Variants in PRKCZ observed in about 807,000 individuals in gnomAD.
PRKCZ encodes the protein protein kinase C zeta.
Under a neutral mutation model 79.5 loss-of-function variants are expected in PRKCZ, and 33 were observed. The observed-to-expected ratio is 0.41, with a 90% CI of 0.31 to 0.55. The LOEUF (loss-of-function observed/expected upper bound fraction) is 0.55. Ranked by LOEUF, PRKCZ falls within the 20% of genes least tolerant of loss-of-function variation. The probability of loss-of-function intolerance (pLI) is 0.19; values close to 1 mark genes in which losing one functional copy is unlikely to be tolerated. For missense variants in PRKCZ, 578 were observed against 813.5 expected, an observed-to-expected ratio of 0.71 and a Z score of 3.52; for synonymous variants, 342 against 320.9, an observed-to-expected ratio of 1.07 and a Z score of -0.70.
At chr1:2,158,871 T>G (rs1435345573) in intron 10 of PRKCZ, among the ~76,000 whole-genome samples, 1 of 152,100 alleles carries the variant, frequency 6.6e-6, no homozygotes, top group Non-Finnish European at 1.5e-5. Context: ...ATCACTGTCC[T>G]GTGGGAGCAT....
intron 4 of PRKCZ, among the ~76,000 whole-genome samples, chr1:2,068,859 G>A (rs925920204): frequency 3.3e-5 from 5 of 152,212 alleles, no homozygotes; most frequent in Admixed American, 6.5e-5. Context: ...CAGACAGCAG[G>A]TGGCTCTTCT....
At chr1:2,146,151 C>T (rs886848379) in intron 7 of PRKCZ, 43 bp downstream of exon 7, 2 of 1,545,262 alleles carry the variant, frequency 1.3e-6, no homozygotes, top group East Asian at 2.2e-5. Flanking sequence ...CTGGGCATCA[C>T]CTCACCCTGC....
chr1:2,139,110 C>G (rs1676806822), intron 5 of PRKCZ, among the ~76,000 whole-genome samples: 1 of 152,152 alleles, frequency 6.6e-6, no homozygotes, highest in African/African-American at 2.4e-5. Flanking sequence ...CCAGACATCT[C>G]ACACTTAGAA....
At chr1:2,158,734 A>G (rs1275314984) in intron 10 of PRKCZ, among the ~76,000 whole-genome samples, 4 of 152,096 alleles carry the variant, frequency 2.6e-5, no homozygotes, top group Non-Finnish European at 4.4e-5. Flanking sequence ...GAGTGGCCCA[A>G]AGCTCAGCCC....
At chr1:2,140,822 G>A (rs1478219452) in intron 5 of PRKCZ, among the ~76,000 whole-genome samples, 1 of 152,182 alleles carries the variant, frequency 6.6e-6, no homozygotes, top group African/African-American at 2.4e-5. Context: ...TAAAAAATCA[G>A]CCGGACGTGG....
In PRKCZ at chr1:2,082,990, G is replaced by A. The variant is rs913054848; in HGVS notation, c.334+23399G>A. Reference sequence around the variant, plus strand: ...TGAAGGACAGGTGTCCACACCTTGGGTGCCCCCGTCCTCCCTCTCCTCATG... The same window carrying A: ...TGAAGGACAGGTGTCCACACCTTGGATGCCCCCGTCCTCCCTCTCCTCATG... On this transcript the variant is annotated intron_variant, in intron 4 of 17. Coordinates refer to ENST00000378567, the MANE Select transcript of PRKCZ (RefSeq NM_002744.6). This position sits in a 1 kb window ranked among gnomAD's most constrained non-coding sequence, Gnocchi z 4.4. Among the ~76,000 whole-genome samples the A allele has an allele frequency of 2.6e-5, 4 of 152,122 alleles. No homozygotes were observed. Among genetic ancestry groups the A allele is most frequent in the Non-Finnish European group, 4.4e-5 (3 of 68,010 alleles).
chr1:2,114,738 C>T (rs1670398362), intron 4 of PRKCZ, among the ~76,000 whole-genome samples: 1 of 151,904 alleles, frequency 6.6e-6, no homozygotes, highest in African/African-American at 2.4e-5. Flanking sequence ...CGTGCCACTG[C>T]ACTCCAGCCT....
At chr1:2,056,635 C>T (rs376217366) in intron 3 of PRKCZ, 62 bp downstream of exon 3, 28 of 1,441,644 alleles carry the variant, frequency 1.9e-5, no homozygotes, top group African/African-American at 2.8e-5. Context: ...GGGTGTCTGC[C>T]GACTAGCTGG....
At chr1:2,151,029 G>C (rs769401051) in intron 9 of PRKCZ, 51 bp downstream of exon 9, 23 of 1,594,408 alleles carry the variant, frequency 1.4e-5, no homozygotes, top group Admixed American at 8.8e-5. Context: ...CGCTGCCCTG[G>C]GGCCTCCTCC....
intron 4 of PRKCZ, among the ~76,000 whole-genome samples, chr1:2,109,258 C>T (rs188137558): frequency 2.6e-5 from 4 of 152,204 alleles, no homozygotes; most frequent in African/African-American, 7.2e-5. Flanking sequence ...GGTTTCTGTC[C>T]TCTGCTGGAA....
At chr1:2,092,823 AC>A (rs919144270) in intron 4 of PRKCZ, among the ~76,000 whole-genome samples, 1 of 152,096 alleles carries the variant, frequency 6.6e-6, no homozygotes, top group African/African-American at 2.4e-5. Flanking sequence ...GGCCAGGTGG[AC>A]CCCTGCAGGG....
At position 2,125,030 on chromosome 1, in the gene PRKCZ, C is replaced by T. The variant is rs1474387931; in HGVS notation, c.335-10232C>T. Among the ~76,000 whole-genome samples, 1 of 152,346 alleles carries T rather than the reference C, an allele frequency of 6.6e-6. No individual in the cohort carries two copies. The highest frequency in any genetic ancestry group is 2.4e-5 in the African/African-American group (1 of 41,586). ...CTCAGCCGCACGTCCTCCCAGGGGC[C>T]TTGCCAGCCTGGCTCTGTGCCGGGC... On this transcript the variant is annotated intron_variant, in intron 4 of 17. Coordinates refer to ENST00000378567, the MANE Select transcript of PRKCZ (RefSeq NM_002744.6). This position sits in a 1 kb window ranked among gnomAD's most constrained non-coding sequence, Gnocchi z 4.2.
intron 1 of PRKCZ, among the ~76,000 whole-genome samples, chr1:2,054,060 C>T (rs1659933383): frequency 6.6e-6 from 1 of 152,172 alleles, no homozygotes; most frequent in African/African-American, 2.4e-5. Context: ...TGTGTCAGGG[C>T]CGCGGCTGTG....
chr1:2,135,460 C>A, intron 5 of PRKCZ, 113 bp downstream of exon 5: 1 of 972,716 alleles, frequency 1.0e-6, no homozygotes, highest in Non-Finnish European at 1.5e-6. Flanking sequence ...CTTTTTGGCG[C>A]CCGAGGGCAA....
At chr1:2,176,472 G>C (rs1685525215) in intron 16 of PRKCZ, among the ~76,000 whole-genome samples, 1 of 152,234 alleles carries the variant, frequency 6.6e-6, no homozygotes, top group African/African-American at 2.4e-5. Context: ...ATTGGGAGGT[G>C]ACCTTGTCTG....
At chr1:2,055,617 G>A (rs1012713790) in intron 2 of PRKCZ, 55 bp downstream of exon 2, 51 of 1,578,244 alleles carry the variant, frequency 3.2e-5, no homozygotes, top group Non-Finnish European at 4.4e-5. Flanking sequence ...CTTCGCCAGG[G>A]CAGCCTCTGT....
chr1:2,148,801 C>A, intron 7 of PRKCZ, 71 bp from the exon 8 acceptor site: 1 of 1,504,024 alleles, frequency 6.6e-7, no homozygotes, highest in Non-Finnish European at 9.2e-7. Flanking sequence ...GCAAGGTCCA[C>A]AGGGTCGCTG....
chr1:2,144,685 T>C, intron 6 of PRKCZ: 1 of 1,061,674 alleles, frequency 9.4e-7, no homozygotes, highest in African/African-American at 1.7e-5. Flanking sequence ...AAGCCAGGTC[T>C]GACCTAGTAG....
chr1:2,181,097 C>T (rs1289814262), intron 16 of PRKCZ, among the ~76,000 whole-genome samples: 1 of 151,342 alleles, frequency 6.6e-6, no homozygotes, highest in Non-Finnish European at 1.5e-5. Context: ...CACCCCACCC[C>T]CGCCACCTCC....
Sources: allele counts gnomAD v4.1 joint callset (sites outside exome capture counted in the v4.1 genomes callset), GRCh38; gene constraint gnomAD v4.1.1; non-coding constraint Gnocchi (gnomAD v3.1); transcripts MANE v1.5; gene names NCBI Gene and HGNC (gene_info 2026-07-23, HGNC 2026-07-21).